Variants in DNAH6 observed in about 807,000 individuals in gnomAD.
The protein encoded by DNAH6 is axonemal beta dynein heavy chain 6.
A neutral mutation model predicts 491.4 loss-of-function variants in DNAH6; 340 were observed. The observed-to-expected ratio is 0.69, with a 90% CI of 0.63 to 0.76. The LOEUF (loss-of-function observed/expected upper bound fraction) is 0.76, where lower values mean the gene tolerates loss of function less well. Ranked by LOEUF, DNAH6 falls within the 30% of genes least tolerant of loss-of-function variation. DNAH6 has a pLI of 0.00. For missense variants in DNAH6, 4,443 were observed against 4,972.2 expected, an observed-to-expected ratio of 0.89 and a Z score of 3.20; for synonymous variants, 1,603 against 1,686.1, an observed-to-expected ratio of 0.95 and a Z score of 1.21.
intron 75 of DNAH6, among the ~76,000 whole-genome samples, chr2:84,815,357 A>G (rs1680384926): frequency 1.3e-5 from 2 of 151,536 alleles, no homozygotes; most frequent in African/African-American, 2.4e-5. Flanking sequence ...AGGAAGGATG[A>G]CTCAGATGCC....
chr2:84,519,550 G>C (rs532677502), intron 2 of DNAH6, among the ~76,000 whole-genome samples: 21 of 151,924 alleles, frequency 1.4e-4, no homozygotes, highest in Middle Eastern at 3.4e-3. Flanking sequence ...ATGTATTTTT[G>C]TTATTGACTT....
intron 42 of DNAH6, among the ~76,000 whole-genome samples, chr2:84,682,647 A>G (rs773667919): frequency 7.9e-5 from 12 of 152,184 alleles, no homozygotes; most frequent in Non-Finnish European, 1.6e-4. Flanking sequence ...CCCCGGCCCC[A>G]GAGGAGACTA....
the DNAH6 span, among the ~76,000 whole-genome samples, chr2:84,462,175 G>A: frequency 6.6e-6 from 1 of 152,184 alleles, no homozygotes; most frequent in African/African-American, 2.4e-5. Flanking sequence ...ATCACTCTGA[G>A]GCTCACCTGA....
chr2:84,814,764 A>G (rs1037890841), intron 75 of DNAH6, among the ~76,000 whole-genome samples: 3 of 152,150 alleles, frequency 2.0e-5, no homozygotes, highest in East Asian at 1.9e-4. Flanking sequence ...TGCTTGGGTC[A>G]TGTGCGCTGA....
intron 22 of DNAH6, among the ~76,000 whole-genome samples, chr2:84,612,941 G>T (rs1367845554): frequency 6.6e-6 from 1 of 151,920 alleles, no homozygotes; most frequent in African/African-American, 2.4e-5. Flanking sequence ...GGGAAAACTA[G>T]TATGTTAGAT....
chr2:84,697,167 C>A (rs967974292), intron 46 of DNAH6, among the ~76,000 whole-genome samples: 1 of 152,098 alleles, frequency 6.6e-6, no homozygotes, highest in Non-Finnish European at 1.5e-5. Flanking sequence ...TAAAATTGTT[C>A]TTATAATGTA....
At chr2:84,463,213 T>A in the DNAH6 span, among the ~76,000 whole-genome samples, 1 of 152,044 alleles carries the variant, frequency 6.6e-6, no homozygotes, top group African/African-American at 2.4e-5. Context: ...TGCAGGAACA[T>A]ACAGCAAGGG....
Position 84,677,063 on chromosome 2 carries a change from C to A in DNAH6, c.6671C>A (p.Pro2224His). ...PPGGGRNPVT[P>H]RFIRHFSMLC... ...GGCGGTGGCCGCAACCCTGTGACTC[C>A]CCGCTTCATCAGACACTTCAGCATG... is the stretch of plus-strand genomic sequence containing the variant. The change falls in exon 41 of 77, where the codon CCC becomes CAC. Residue 2224 changes from proline to histidine, a missense_variant. Around this residue, in one of 3 missense-constraint regions of DNAH6, gnomAD observed 2,977 missense variants for 3,296.6 expected, o/e 0.90. Transcript: ENST00000389394. 6.4e-7 allele frequency: 1 copy of A among 1,551,734 alleles called. No individual in the cohort carries two copies. The highest frequency in any genetic ancestry group is 8.7e-7 in the Non-Finnish European group (1 of 1,146,978).
the DNAH6 span, among the ~76,000 whole-genome samples, chr2:84,487,871 T>C: frequency 5.9e-5 from 9 of 152,242 alleles, no homozygotes; most frequent in South Asian, 1.9e-3. Flanking sequence ...CAAGTCCCTG[T>C]CTATGGGGAT....
chr2:84,536,999 C>A (rs1259468208), intron 4 of DNAH6, among the ~76,000 whole-genome samples: 3 of 151,886 alleles, frequency 2.0e-5, no homozygotes, highest in South Asian at 2.1e-4. Context: ...ATGTCTTCAC[C>A]AAGCCCCTGC....
chr2:84,751,784 T>C (rs1317379756), intron 63 of DNAH6, among the ~76,000 whole-genome samples: 1 of 152,232 alleles, frequency 6.6e-6, no homozygotes, highest in Non-Finnish European at 1.5e-5. Context: ...TTTGGGGGTC[T>C]TGTTAAAACA....
intron 52 of DNAH6, among the ~76,000 whole-genome samples, chr2:84,706,265 G>T (rs1457113419): frequency 6.6e-6 from 1 of 152,198 alleles, no homozygotes; most frequent in East Asian, 1.9e-4. Flanking sequence ...AGGCTATATG[G>T]TCTCTGCAGC....
At chr2:84,491,664 C>G in the DNAH6 span, among the ~76,000 whole-genome samples, 2 of 152,192 alleles carry the variant, frequency 1.3e-5, no homozygotes, top group African/African-American at 4.8e-5. Context: ...TTCTTTCTCC[C>G]AGATCCACAT....
At chr2:84,582,552 C>A (rs1366733502) in intron 14 of DNAH6, among the ~76,000 whole-genome samples, 1 of 152,178 alleles carries the variant, frequency 6.6e-6, no homozygotes, top group East Asian at 1.9e-4. Flanking sequence ...CCCGGGTTCA[C>A]GCCATTCTCC....
At chr2:84,540,441 G>T (rs1364228124) in intron 4 of DNAH6, among the ~76,000 whole-genome samples, 1 of 152,128 alleles carries the variant, frequency 6.6e-6, no homozygotes, top group African/African-American at 2.4e-5. Context: ...GTTTAAGGAT[G>T]AATAGAAGCA....
intron 62 of DNAH6, among the ~76,000 whole-genome samples, chr2:84,740,209 G>A (rs930970084): frequency 2.6e-5 from 4 of 152,112 alleles, no homozygotes; most frequent in African/African-American, 9.7e-5. Flanking sequence ...GAGGTTGTTT[G>A]TTGTAGCAAT....
chr2:84,645,544 A>G (rs968490948), intron 33 of DNAH6, among the ~76,000 whole-genome samples: 1 of 152,192 alleles, frequency 6.6e-6, no homozygotes, highest in African/African-American at 2.4e-5. Context: ...TGTTGGCCGC[A>G]TGTGGTGTCT....
intron 14 of DNAH6, among the ~76,000 whole-genome samples, chr2:84,580,322 A>G (rs1225257093): frequency 8.1e-3 from 7 of 866 alleles, no homozygotes; most frequent in Admixed American, 0.036. Flanking sequence ...ACACGCACAC[A>G]CACACACACA....
the DNAH6 span, among the ~76,000 whole-genome samples, chr2:84,499,665 A>G: frequency 6.6e-6 from 1 of 152,184 alleles, no homozygotes; most frequent in Non-Finnish European, 1.5e-5. Context: ...CCATCACTGT[A>G]CAAGGGTTCC....
Sources: allele counts gnomAD v4.1 joint callset (sites outside exome capture counted in the v4.1 genomes callset), GRCh38; gene constraint gnomAD v4.1.1; regional missense constraint gnomAD v4.1.1; transcripts MANE v1.5; gene names NCBI Gene and HGNC (gene_info 2026-07-23, HGNC 2026-07-21).